Variants in EYA1 observed in about 807,000 individuals in gnomAD.
The protein encoded by EYA1 is EYA transcriptional coactivator and phosphatase 1.
EYA1 carries 16 observed loss-of-function variants against 82.0 expected under a neutral mutation model. That is an observed-to-expected ratio of 0.20 (90% CI 0.13 to 0.30). The LOEUF is 0.30. Among genes scored for constraint, EYA1 ranks in the 10% least tolerant of loss-of-function variants. The pLI is 1.00. For synonymous variants in EYA1, 261 were observed against 264.4 expected (o/e 0.99, Z 0.12); for missense variants, 633 against 730.7 (o/e 0.87, Z 1.54).
intron 2 of EYA1, among the ~76,000 whole-genome samples, chr8:71,492,907 C>T (rs1017869160): frequency 2.6e-5 from 4 of 152,210 alleles, no homozygotes; most frequent in African/African-American, 9.7e-5. Flanking sequence ...GATCCTCTCC[C>T]TCCTTCCACA....
chr8:71,530,364 C>T (rs940418471), intron 2 of EYA1, among the ~76,000 whole-genome samples: 5 of 152,156 alleles, frequency 3.3e-5, no homozygotes, highest in African/African-American at 1.2e-4. Context: ...CTTCTAGCCT[C>T]TAGAACTGTG....
chr8:71,391,961 G>A (rs1321622393), intron 2 of EYA1, among the ~76,000 whole-genome samples: 2 of 152,194 alleles, frequency 1.3e-5, no homozygotes, highest in African/African-American at 4.8e-5. Context: ...CTTTGCAACT[G>A]TATTCTGGCT....
chr8:71,261,290 T>C (rs980993242), intron 11 of EYA1, among the ~76,000 whole-genome samples: 1 of 152,174 alleles, frequency 6.6e-6, no homozygotes, highest in Non-Finnish European at 1.5e-5. Context: ...ATATCATCAA[T>C]AAAATATTAA....
chr8:71,270,785 G>A (rs1042966171), intron 10 of EYA1, among the ~76,000 whole-genome samples: 2 of 152,070 alleles, frequency 1.3e-5, no homozygotes, highest in Admixed American at 6.5e-5. Flanking sequence ...AACATTCCAG[G>A]TTTTCCTTTC....
intron 12 of EYA1, 45 bp from the exon 13 acceptor site, chr8:71,217,068 C>T (rs1409385640): frequency 4.1e-6 from 6 of 1,475,786 alleles, no homozygotes; most frequent in Admixed American, 3.4e-5. Context: ...TTAAGAGTAC[C>T]TAATTTTTTT....
intron 3 of EYA1, among the ~76,000 whole-genome samples, chr8:71,350,765 C>T (rs1826225981): frequency 6.6e-6 from 1 of 152,040 alleles, no homozygotes; most frequent in Non-Finnish European, 1.5e-5. Flanking sequence ...TCCAAGACAA[C>T]CAAAAATAAA....
At chr8:71,259,554 T>C (rs189599442) in intron 11 of EYA1, among the ~76,000 whole-genome samples, 99 of 152,284 alleles carry the variant, frequency 6.5e-4, no homozygotes, top group Middle Eastern at 3.4e-3. Flanking sequence ...CAAGAAAAAA[T>C]GAACACTTCT....
intron 2 of EYA1, among the ~76,000 whole-genome samples, chr8:71,510,670 C>T (rs1812527933): frequency 6.6e-6 from 1 of 152,206 alleles, no homozygotes; most frequent in Non-Finnish European, 1.5e-5. Flanking sequence ...CCACCTGGTC[C>T]TGACCTTGAC....
chr8:71,222,270 G>C (rs1158939805), intron 12 of EYA1, among the ~76,000 whole-genome samples: 1 of 152,152 alleles, frequency 6.6e-6, no homozygotes, highest in Non-Finnish European at 1.5e-5. Context: ...GTGTGACTCA[G>C]GTATTTGCCA....
intron 3 of EYA1, among the ~76,000 whole-genome samples, chr8:71,334,923 C>T (rs75192433): frequency 0.01 from 1,545 of 152,306 alleles, 34 homozygotes; most frequent in African/African-American, 0.035. Context: ...TTCTCTAAAG[C>T]AATCCACTCC....
chr8:71,218,334 C>T (rs73286332), intron 12 of EYA1, among the ~76,000 whole-genome samples: 1,691 of 152,116 alleles, frequency 0.011, 39 homozygotes, highest in African/African-American at 0.039. Flanking sequence ...TTTATGTTGC[C>T]GGTCCCTTCT....
rs78012279 is a variant in EYA1 at position 71,390,409 on chromosome 8, T to C, written c.34-33898A>G. On this transcript the variant is annotated intron_variant, in intron 2 of 18. Coordinates refer to the EYA1 transcript ENST00000643681. ...TCCTGAGTAACTGTGACTACAGGTA[T>C]GTACCACCATGCCCAACTAATTTTT... Among the ~76,000 whole-genome samples the C allele has an allele frequency of 1.0e-3, 159 of 152,150 alleles. 2 individuals are homozygous for C. In the East Asian group the frequency reaches 0.029, roughly 28 times the overall value.
At chr8:71,384,844 T>C (rs1357735844) in intron 2 of EYA1, among the ~76,000 whole-genome samples, 1 of 152,160 alleles carries the variant, frequency 6.6e-6, no homozygotes, top group Non-Finnish European at 1.5e-5. Context: ...GTTTTTAGTA[T>C]TAAGGGATAT....
chr8:71,364,162 ATGG>A (rs1213691978), upstream of EYA1, among the ~76,000 whole-genome samples: 1 of 151,936 alleles, frequency 6.6e-6, no homozygotes, highest in Non-Finnish European at 1.5e-5. Flanking sequence ...ACTAATTGAT[ATGG>A]TATAGCTCAT....
intron 2 of EYA1, among the ~76,000 whole-genome samples, chr8:71,477,754 A>G (rs565900054): frequency 6.6e-6 from 1 of 152,274 alleles, no homozygotes; most frequent in African/African-American, 2.4e-5. Context: ...ATGAAAACAC[A>G]TTTTTACAAC....
At chr8:71,237,993 G>A (rs2128893191) in intron 12 of EYA1, among the ~76,000 whole-genome samples, 1 of 152,172 alleles carries the variant, frequency 6.6e-6, no homozygotes, top group South Asian at 2.1e-4. Context: ...TTAGTAAAAA[G>A]TCCTAGATGT....
At chr8:71,381,215 T>G (rs1262108045) in intron 2 of EYA1, among the ~76,000 whole-genome samples, 2 of 152,248 alleles carry the variant, frequency 1.3e-5, no homozygotes, top group African/African-American at 4.8e-5. Flanking sequence ...CCTGTGCTTC[T>G]CAAGCACCTT....
intron 2 of EYA1, among the ~76,000 whole-genome samples, chr8:71,381,911 T>C (rs1330359251): frequency 1.3e-5 from 2 of 152,260 alleles, no homozygotes; most frequent in Non-Finnish European, 2.9e-5. Context: ...AAAAAAGCAC[T>C]TTGTATACAC....
intron 2 of EYA1, among the ~76,000 whole-genome samples, chr8:71,368,282 T>C (rs2129086572): frequency 6.6e-6 from 1 of 152,118 alleles, no homozygotes; most frequent in African/African-American, 2.4e-5. Context: ...TACCAAGAGG[T>C]CAGAGCGCCC....
Sources: gnomAD v4.1 joint callset for allele counts (sites outside exome capture counted in the v4.1 genomes callset) on GRCh38, gnomAD v4.1.1 for gene constraint, MANE v1.5 for transcripts, NCBI Gene and HGNC (gene_info 2026-07-23, HGNC 2026-07-21) for gene names.